The following GALNTL6 variants were observed in gnomAD, a reference collection of about 807,000 sequenced individuals.
GALNTL6 encodes the protein polypeptide N-acetylgalactosaminyltransferase-like 6.
Under a neutral mutation model 73.7 loss-of-function variants are expected in GALNTL6, and 46 were observed. That is an observed-to-expected ratio of 0.62 (90% CI 0.49 to 0.80). The LOEUF (loss-of-function observed/expected upper bound fraction) is 0.80, where lower values mean the gene tolerates loss of function less well. Ranked by LOEUF, GALNTL6 falls within the 30% of genes least tolerant of loss-of-function variation. GALNTL6 has a pLI of 0.00. For synonymous variants in GALNTL6, 259 were observed against 263.7 expected (o/e 0.98, Z 0.17); for missense variants, 604 against 755.0 (o/e 0.80, Z 2.34).
chr4:172,212,206 G>A (rs980710399), intron 2 of GALNTL6, among the ~76,000 whole-genome samples: 21 of 151,848 alleles, frequency 1.4e-4, no homozygotes, highest in African/African-American at 4.8e-4. Flanking sequence ...CTGTCACCCA[G>A]GCTGGAGTGC....
chr4:172,206,967 A>G (rs189305629), intron 2 of GALNTL6, among the ~76,000 whole-genome samples: 659 of 150,880 alleles, frequency 4.4e-3, no homozygotes, highest in Non-Finnish European at 6.1e-3. Flanking sequence ...ACAGGCACCC[A>G]CCACCACGCC....
chr4:172,288,942 G>A (rs571100006), intron 3 of GALNTL6, among the ~76,000 whole-genome samples: 4 of 151,846 alleles, frequency 2.6e-5, no homozygotes, highest in Non-Finnish European at 5.9e-5. Context: ...CCTCTATTCT[G>A]TTCACCACCT....
At chr4:172,459,592 A>G (rs996265175) in intron 5 of GALNTL6, among the ~76,000 whole-genome samples, 3 of 152,250 alleles carry the variant, frequency 2.0e-5, no homozygotes, top group East Asian at 1.9e-4. Flanking sequence ...GAGTCAAATC[A>G]TGAGTGAACT....
At chr4:172,226,990 G>T (rs993355855) in intron 2 of GALNTL6, among the ~76,000 whole-genome samples, 6 of 152,234 alleles carry the variant, frequency 3.9e-5, no homozygotes, top group African/African-American at 1.4e-4. Context: ...TTTTCTTCAA[G>T]TTTGGTATGC....
At chr4:172,801,911 A>T (rs1740668532) in intron 5 of GALNTL6, among the ~76,000 whole-genome samples, 1 of 152,088 alleles carries the variant, frequency 6.6e-6, no homozygotes, top group South Asian at 2.1e-4. Context: ...GATGATAAGG[A>T]TGATGACCTT....
chr4:171,929,302 C>T (rs1738095983), intron 2 of GALNTL6, among the ~76,000 whole-genome samples: 1 of 152,106 alleles, frequency 6.6e-6, no homozygotes, highest in Non-Finnish European at 1.5e-5. Context: ...GAATTCCTGG[C>T]CTCAGGTGAT....
intron 2 of GALNTL6, among the ~76,000 whole-genome samples, chr4:171,862,874 T>C (rs1578920367): frequency 6.6e-6 from 1 of 152,274 alleles, no homozygotes; most frequent in East Asian, 1.9e-4. Context: ...TCAGGACCTA[T>C]ATAATTAGAT....
chr4:172,120,079 T>G (rs952872680), intron 2 of GALNTL6, among the ~76,000 whole-genome samples: 2 of 152,202 alleles, frequency 1.3e-5, no homozygotes, highest in African/African-American at 4.8e-5. Context: ...TATTGAGGAT[T>G]TCTTCCCACT....
chr4:172,240,963 T>G (rs1012782955), intron 3 of GALNTL6, among the ~76,000 whole-genome samples: 1 of 152,236 alleles, frequency 6.6e-6, no homozygotes, highest in Non-Finnish European at 1.5e-5. Flanking sequence ...TTTTCACCTG[T>G]GTGGGCTGAT....
chr4:172,407,569 A>G (rs1167181119), intron 5 of GALNTL6, among the ~76,000 whole-genome samples: 1 of 152,084 alleles, frequency 6.6e-6, no homozygotes, highest in Admixed American at 6.6e-5. Flanking sequence ...TTTGTAAGAT[A>G]TTGAACTTCA....
chr4:172,254,667 C>T (rs1268072613), intron 3 of GALNTL6, among the ~76,000 whole-genome samples: 3 of 151,742 alleles, frequency 2.0e-5, no homozygotes, highest in Admixed American at 6.6e-5. Context: ...AAAGAGCTTA[C>T]AGCCAATTTG....
chr4:172,030,669 CACTGT>C lies in GALNTL6; in HGVS notation c.139-198983_139-198979del, dbSNP rs766634375. 4.2e-4 allele frequency among the ~76,000 whole-genome samples: 64 copies of C among 152,046 alleles called. No individual in the cohort carries two copies. The Middle Eastern group carries it at 0.014, about 33-fold the overall frequency. On this transcript the variant is annotated intron_variant, in intron 2 of 12. Transcript: ENST00000506823. ...AGGTTGCAGTAAGCCAAGATCGCAC[CACTGT>C]ACTCTAGCCTGGGCCACACAGCTAG...
chr4:172,725,691 G>A (rs11132959), intron 5 of GALNTL6, among the ~76,000 whole-genome samples: 115,861 of 152,064 alleles, frequency 0.76, 45,416 homozygotes, highest in Middle Eastern at 0.89. Flanking sequence ...ACAATCTTGC[G>A]TTCTGCTTTA....
intron 2 of GALNTL6, among the ~76,000 whole-genome samples, chr4:172,213,570 G>C (rs1736399509): frequency 6.6e-6 from 1 of 152,242 alleles, no homozygotes; most frequent in Admixed American, 6.5e-5. Context: ...CTTCTTTGAT[G>C]AGATGTCTGT....
intron 7 of GALNTL6, among the ~76,000 whole-genome samples, chr4:172,822,837 C>T (rs996661318): frequency 6.6e-6 from 1 of 152,094 alleles, no homozygotes; most frequent in African/African-American, 2.4e-5. Context: ...TTCTGCTTCC[C>T]CAACTGGTGT....
At chr4:171,825,016 C>T (rs1262654146) in intron 2 of GALNTL6, among the ~76,000 whole-genome samples, 1 of 152,078 alleles carries the variant, frequency 6.6e-6, no homozygotes, top group East Asian at 1.9e-4. Context: ...TGACCTTTCC[C>T]CTCATATTTT....
chr4:171,877,290 T>A (rs917822955), intron 2 of GALNTL6, among the ~76,000 whole-genome samples: 1 of 152,160 alleles, frequency 6.6e-6, no homozygotes, highest in Non-Finnish European at 1.5e-5. Flanking sequence ...AATTTAGTCT[T>A]TTCAGTCTTT....
chr4:172,683,475 T>C (rs1206443306), intron 5 of GALNTL6, among the ~76,000 whole-genome samples: 1 of 152,240 alleles, frequency 6.6e-6, no homozygotes, highest in Non-Finnish European at 1.5e-5. Flanking sequence ...TTACAATAAT[T>C]CTTTCAAGTC....
intron 5 of GALNTL6, among the ~76,000 whole-genome samples, chr4:172,684,297 T>C (rs1457745851): frequency 6.6e-6 from 1 of 152,202 alleles, no homozygotes; most frequent in Non-Finnish European, 1.5e-5. Context: ...CATTCATTCA[T>C]TCATGCATAC....
Sources: gnomAD v4.1 joint callset for allele counts (sites outside exome capture counted in the v4.1 genomes callset) on GRCh38, gnomAD v4.1.1 for gene constraint, MANE v1.5 for transcripts, NCBI Gene and HGNC (gene_info 2026-07-23, HGNC 2026-07-21) for gene names.